Variants in CFAP46 observed in about 807,000 individuals in gnomAD.
The protein encoded by CFAP46 is cilia- and flagella-associated protein 46.
CFAP46 carries 245 observed loss-of-function variants against 325.7 expected under a neutral mutation model. The ratio of observed to expected loss-of-function variants is 0.75; its 90% CI spans 0.68 to 0.84. The LOEUF is 0.84. Ranked by LOEUF, CFAP46 falls within the 40% of genes least tolerant of loss-of-function variation. The pLI is 0.00. For synonymous variants in CFAP46, 1,523 were observed against 1,495.9 expected (o/e 1.02, Z -0.42); for missense variants, 3,346 against 3,543.0 (o/e 0.94, Z 1.41).
intron 31 of CFAP46, among the ~76,000 whole-genome samples, chr10:132,875,569 C>G (rs1040592595): frequency 6.6e-6 from 1 of 152,166 alleles, no homozygotes; most frequent in Non-Finnish European, 1.5e-5. Flanking sequence ...CCCAAAGCAG[C>G]CCCATGCACA....
intron 32 of CFAP46, among the ~76,000 whole-genome samples, chr10:132,871,322 C>G (rs1318476247): frequency 6.6e-6 from 1 of 152,200 alleles, no homozygotes; most frequent in African/African-American, 2.4e-5. Context: ...CCATGCAGTC[C>G]ATGGATCAAG....
At position 132,846,083 on chromosome 10, in the gene CFAP46, C is replaced by A; in HGVS notation, c.6412G>T (p.Glu2138Ter). 1 of 1,597,216 alleles carries A rather than the reference C, an allele frequency of 6.3e-7. No homozygotes were observed. Among genetic ancestry groups the A allele is most frequent in the South Asian group, 1.1e-5 (1 of 89,518 alleles). Residue 2138 changes from glutamate to a stop codon, truncating the protein, a stop_gained, in exon 44 of 58, where the codon GAG (glutamate) becomes TAG (stop). Coordinates refer to ENST00000368586, the MANE Select transcript of CFAP46 (RefSeq NM_001200049.3). LOFTEE classifies it high-confidence loss of function. ...RTTTSLGARV[E>*]QRLAAVSKAW... ...TTGGACACGGCGGCCAGCCTCTGCT[C>A]CACACGGGCGCCCAGGCTGGTGGTG...
intron 50 of CFAP46, among the ~76,000 whole-genome samples, chr10:132,820,709 T>C (rs574403817): frequency 2.4e-4 from 24 of 101,702 alleles, no homozygotes; most frequent in African/African-American, 6.3e-4. Context: ...GTGTGCTGTG[T>C]GTGCGCTGAT....
intron 25 of CFAP46, among the ~76,000 whole-genome samples, chr10:132,887,554 CCTT>C (rs1190493231): frequency 1.1e-5 from 1 of 91,134 alleles, no homozygotes; most frequent in Non-Finnish European, 2.3e-5. Context: ...CTCTCCTCTC[CCTT>C]CTTCTCTCTC....
At chr10:132,900,813 C>G (rs1849382690) in intron 22 of CFAP46, among the ~76,000 whole-genome samples, 1 of 152,248 alleles carries the variant, frequency 6.6e-6, no homozygotes, top group Admixed American at 6.5e-5. Flanking sequence ...CATCTGTAGC[C>G]TCAGTGACTT....
intron 7 of CFAP46, among the ~76,000 whole-genome samples, chr10:132,935,348 TCTC>T (rs1849977624): frequency 6.8e-6 from 1 of 147,004 alleles, no homozygotes; most frequent in East Asian, 2.0e-4. Flanking sequence ...CCCACTGTGA[TCTC>T]CTCACTCCCC....
intron 50 of CFAP46, among the ~76,000 whole-genome samples, chr10:132,829,004 C>T (rs959904118): frequency 1.6e-4 from 24 of 151,072 alleles, no homozygotes; most frequent in Admixed American, 4.6e-4. Context: ...CATCAGGTGG[C>T]GTGTGCCCTC....
At chr10:132,892,956 GTC>G (rs1236178404) in intron 24 of CFAP46, among the ~76,000 whole-genome samples, 1 of 152,180 alleles carries the variant, frequency 6.6e-6, no homozygotes, top group African/African-American at 2.4e-5. Flanking sequence ...GCTGTTAACT[GTC>G]TCTCTAAAAT....
chr10:132,810,753 C>T (rs1329587175), intron 56 of CFAP46, 197 bp downstream of exon 56: 4 of 730,932 alleles, frequency 5.5e-6, no homozygotes, highest in Non-Finnish European at 7.4e-6. Flanking sequence ...GGGCTGGTGC[C>T]AGGGGCCCGG....
At chr10:132,935,348 T>A (rs1057382965) in intron 7 of CFAP46, among the ~76,000 whole-genome samples, 3 of 147,004 alleles carry the variant, frequency 2.0e-5, no homozygotes, top group African/African-American at 7.8e-5. Flanking sequence ...CCCACTGTGA[T>A]CTCCTCACTC....
chr10:132,837,824 C>A (rs1037795197), intron 44 of CFAP46, among the ~76,000 whole-genome samples: 4 of 148,000 alleles, frequency 2.7e-5, no homozygotes, highest in African/African-American at 1.0e-4. Flanking sequence ...CACAGATGCA[C>A]ACACACAGAC....
At chr10:132,857,444 G>T in intron 39 of CFAP46, 146 bp downstream of exon 39, 5 of 748,340 alleles carry the variant, frequency 6.7e-6, no homozygotes, top group African/African-American at 3.6e-5. Context: ...TTGTTTTTTT[G>T]TTGTTTCAGA....
chr10:132,842,102 TTGA>T (rs1848355384), intron 44 of CFAP46, among the ~76,000 whole-genome samples: 1 of 152,348 alleles, frequency 6.6e-6, no homozygotes, highest in East Asian at 1.9e-4. Context: ...CACTTTTCTT[TTGA>T]TGATAATTCC....
Position 132,847,900 on chromosome 10 carries a change from G to A in CFAP46, c.5953-579C>T, listed in dbSNP as rs1848466911. Among the ~76,000 whole-genome samples the A allele has an allele frequency of 6.6e-6, 1 of 152,196 alleles. No individual in the cohort carries two copies. The highest frequency in any genetic ancestry group is 2.4e-5 in the African/African-American group (1 of 41,456). ...AAAAACACTGATAGAAATGGAGAAGGAGTGATGGACATGTCCCCGTTCTAG... is the reference window on the plus strand; with the variant it reads ...AAAAACACTGATAGAAATGGAGAAGAAGTGATGGACATGTCCCCGTTCTAG... On this transcript the variant is annotated intron_variant, in intron 41 of 57. Coordinates refer to ENST00000368586, the MANE Select transcript of CFAP46 (RefSeq NM_001200049.3). This position sits in a 1 kb window ranked among gnomAD's most constrained non-coding sequence, Gnocchi z 5.2.
chr10:132,921,210 C>T (rs1438139306), intron 13 of CFAP46, among the ~76,000 whole-genome samples: 20 of 152,226 alleles, frequency 1.3e-4, no homozygotes, highest in Non-Finnish European at 1.5e-5. Context: ...GTGAAAGCCG[C>T]CGGCTGCTGG....
At chr10:132,938,512 C>CG in intron 5 of CFAP46, 77 bp downstream of exon 5, 1 of 1,350,716 alleles carries the variant, frequency 7.4e-7, no homozygotes, top group Non-Finnish European at 1.0e-6. Flanking sequence ...GTCCCCCCCC[C>CG]GGAGAAGGGG....
intron 24 of CFAP46, among the ~76,000 whole-genome samples, chr10:132,894,499 A>T (rs1849296020): frequency 6.6e-6 from 1 of 152,220 alleles, no homozygotes; most frequent in Non-Finnish European, 1.5e-5. Context: ...AAAATAGATA[A>T]CAGAAAAACA....
At chr10:132,866,623 T>C (rs571507782) in intron 34 of CFAP46, among the ~76,000 whole-genome samples, 30 of 152,218 alleles carry the variant, frequency 2.0e-4, no homozygotes, top group African/African-American at 7.0e-4. Context: ...GATCTGGGCC[T>C]ACCCCGCATC....
At chr10:132,834,618 G>T (rs373809847) in intron 48 of CFAP46, 36 bp downstream of exon 48, 11 of 1,609,270 alleles carry the variant, frequency 6.8e-6, no homozygotes, top group Non-Finnish European at 9.3e-6. Context: ...ATGCGTGAGC[G>T]TGGTGGGGTG....
Sources: gnomAD v4.1 joint callset for allele counts (sites outside exome capture counted in the v4.1 genomes callset) on GRCh38, gnomAD v4.1.1 for gene constraint, Gnocchi (gnomAD v3.1) non-coding constraint, MANE v1.5 for transcripts, NCBI Gene and HGNC (gene_info 2026-07-23, HGNC 2026-07-21) for gene names.